RAP1GDS1: variants seen among roughly 807,000 people sequenced by gnomAD.
RAP1GDS1 encodes RAP1, GTP-GDP dissociation stimulator 1.
A neutral mutation model predicts 71.1 loss-of-function variants in RAP1GDS1; 35 were observed. That is an observed-to-expected ratio of 0.49 (90% CI 0.38 to 0.65). The LOEUF is 0.65. Ranked by LOEUF, RAP1GDS1 falls within the 30% of genes least tolerant of loss-of-function variation. The pLI is 0.00. For synonymous variants in RAP1GDS1, 229 were observed against 243.1 expected, an observed-to-expected ratio of 0.94 and a Z score of 0.54; for missense variants, 663 against 706.1, an observed-to-expected ratio of 0.94 and a Z score of 0.69.
intron 4 of RAP1GDS1, among the ~76,000 whole-genome samples, chr4:98,372,931 C>T (rs1740608365): frequency 6.6e-6 from 1 of 152,206 alleles, no homozygotes; most frequent in African/African-American, 2.4e-5. Context: ...CACAAGAGAC[C>T]TTCCTGCCTT....
At position 98,392,693 on chromosome 4, in the gene RAP1GDS1, C is replaced by CCTGT. The variant is rs1412262145; in HGVS notation, c.637+616_637+619dup. ...TCCAGCCTGGGTGGCAGAGCCAGAC[C>CCTGT]CTGTCTCAAGAAAAAAAAAGAAATT... On this transcript the variant is annotated intron_variant, in intron 6 of 14. Coordinates refer to ENST00000408927, the MANE Select transcript of RAP1GDS1 (RefSeq NM_001100427.2). Among the ~76,000 whole-genome samples, 24 of 151,996 alleles carry CCTGT rather than the reference C, an allele frequency of 1.6e-4. 1 individual carries two copies. The South Asian group carries it at 3.7e-3, about 24-fold the overall frequency.
At chr4:98,399,440 T>A (rs1745037503) in intron 6 of RAP1GDS1, among the ~76,000 whole-genome samples, 2 of 152,108 alleles carry the variant, frequency 1.3e-5, no homozygotes. Flanking sequence ...ACTACAGGCG[T>A]GCACCATCAT....
chr4:98,436,907 G>T, intron 13 of RAP1GDS1, 33 bp from the exon 14 acceptor site: 2 of 1,553,820 alleles, frequency 1.3e-6, no homozygotes, highest in Non-Finnish European at 1.7e-6. Context: ...TACTGGGTTC[G>T]TACGCAGTAG....
chr4:98,261,621 C>T (rs1424546620), intron 1 of RAP1GDS1, 52 bp downstream of exon 1: 4 of 1,573,376 alleles, frequency 2.5e-6, no homozygotes, highest in East Asian at 2.3e-5. Flanking sequence ...TCTTTCTCGG[C>T]GTGCTGCAGG....
intron 3 of RAP1GDS1, among the ~76,000 whole-genome samples, chr4:98,351,888 T>C (rs1291423767): frequency 1.3e-5 from 2 of 151,936 alleles, no homozygotes; most frequent in Non-Finnish European, 2.9e-5. Context: ...TAAAATGGAT[T>C]TTAATAAAGG....
intron 7 of RAP1GDS1, among the ~76,000 whole-genome samples, chr4:98,405,604 A>G (rs1428292036): frequency 6.6e-6 from 1 of 152,100 alleles, no homozygotes; most frequent in Non-Finnish European, 1.5e-5. Flanking sequence ...TGAAAAATGC[A>G]AAGATCCAAG....
At chr4:98,268,348 C>T (rs1722981985) in intron 1 of RAP1GDS1, among the ~76,000 whole-genome samples, 1 of 151,690 alleles carries the variant, frequency 6.6e-6, no homozygotes, top group South Asian at 2.1e-4. Flanking sequence ...TATGACAAGC[C>T]CATAGCTAAC....
rs1561019716 is a variant in RAP1GDS1 at position 98,436,998 on chromosome 4, A to G, written c.1626A>G (p.Leu542=). 6.2e-7 allele frequency: 1 copy of G among 1,612,892 alleles called. No homozygotes were observed. Residue 542 remains leucine (L), a synonymous_variant, in exon 14 of 15, where the codon CTA becomes CTG. Transcript: ENST00000408927. ...AKLVQILHRL[L]ADERSAPEIK... Reference sequence around the variant, plus strand: ...TTGTACAGATTTTACATAGACTGCTAGCAGATGAGAGAAGTGCTCCTGAAA... The same window carrying G: ...TTGTACAGATTTTACATAGACTGCTGGCAGATGAGAGAAGTGCTCCTGAAA...
intron 2 of RAP1GDS1, among the ~76,000 whole-genome samples, chr4:98,305,775 G>A (rs980826260): frequency 5.3e-5 from 8 of 152,194 alleles, no homozygotes; most frequent in African/African-American, 1.9e-4. Context: ...GGTGATTGAA[G>A]CCTTGGCAGA....
At chr4:98,424,654 G>A (rs533193319) in intron 12 of RAP1GDS1, among the ~76,000 whole-genome samples, 14 of 152,098 alleles carry the variant, frequency 9.2e-5, no homozygotes, top group Middle Eastern at 6.8e-3. Context: ...CCAGCTACTG[G>A]GGAGGCTGAG....
intron 1 of RAP1GDS1, among the ~76,000 whole-genome samples, chr4:98,268,712 A>G (rs1723028642): frequency 6.6e-6 from 1 of 152,172 alleles, no homozygotes; most frequent in Non-Finnish European, 1.5e-5. Flanking sequence ...AAACAATCCT[A>G]TTTACAGTAG....
At chr4:98,377,628 T>TTG (rs58691883) in intron 4 of RAP1GDS1, among the ~76,000 whole-genome samples, 34,558 of 149,288 alleles carry the variant, frequency 0.23, 4,058 homozygotes, top group African/African-American at 0.3. Context: ...TACTATATAA[T>TTG]TGTGTGTGTG....
At chr4:98,272,629 A>G (rs1171655677) in intron 1 of RAP1GDS1, among the ~76,000 whole-genome samples, 1 of 152,122 alleles carries the variant, frequency 6.6e-6, no homozygotes, top group East Asian at 1.9e-4. Context: ...TACTTCTCAG[A>G]TTTAATGGTT....
intron 1 of RAP1GDS1, among the ~76,000 whole-genome samples, chr4:98,280,178 C>T (rs553482495): frequency 3.5e-4 from 53 of 152,308 alleles, no homozygotes; most frequent in Middle Eastern, 6.8e-3. Context: ...CTTGAGGAAT[C>T]GCCACACTGT....
chr4:98,407,053 A>G (rs1014487837), intron 7 of RAP1GDS1, among the ~76,000 whole-genome samples: 1 of 152,132 alleles, frequency 6.6e-6, no homozygotes, highest in African/African-American at 2.4e-5. Context: ...CAATGAGCCC[A>G]GTATTCATCT....
chr4:98,358,470 G>A (rs1002588505), intron 4 of RAP1GDS1, among the ~76,000 whole-genome samples: 1 of 151,920 alleles, frequency 6.6e-6, no homozygotes, highest in Non-Finnish European at 1.5e-5. Context: ...AAAAAGTTTT[G>A]ACTTGAATAT....
In RAP1GDS1 at chr4:98,363,478, CAAAAAA is replaced by C. The variant is rs34393905; in HGVS notation, c.361+10899_361+10904del. On this transcript the variant is annotated intron_variant, in intron 4 of 14. Coordinates refer to ENST00000408927, the MANE Select transcript of RAP1GDS1 (RefSeq NM_001100427.2). ...CCTAAATAACAGTGAGACCCTGTCTCAAAAAAAAAAAAAAAAAAAAAAAAAAAGTGT... is the reference window on the plus strand; with the variant it reads ...CCTAAATAACAGTGAGACCCTGTCTCAAAAAAAAAAAAAAAAAAAAAGTGT... 3.7e-4 allele frequency among the ~76,000 whole-genome samples: 14 copies of C among 37,730 alleles called. No homozygotes were observed. In the South Asian group the frequency reaches 4.9e-3, roughly 13 times the overall value. 24.8% of individuals were successfully genotyped at this position (37,730 alleles called of 152,430 possible). A position where few individuals can be genotyped will look rare whatever the true frequency, so the allele number is the denominator to read the frequency against.
chr4:98,316,004 G>A (rs1469623628), intron 2 of RAP1GDS1, among the ~76,000 whole-genome samples: 1 of 152,178 alleles, frequency 6.6e-6, no homozygotes, highest in Non-Finnish European at 1.5e-5. Context: ...ATGTTGAAGG[G>A]TCCAGTTAAG....
At chr4:98,376,847 G>C (rs1030982315) in intron 4 of RAP1GDS1, among the ~76,000 whole-genome samples, 1 of 151,916 alleles carries the variant, frequency 6.6e-6, no homozygotes, top group Non-Finnish European at 1.5e-5. Flanking sequence ...TCAGAGGAGG[G>C]GGGTGGAAGG....
Sources: gnomAD v4.1 joint callset for allele counts (sites outside exome capture counted in the v4.1 genomes callset) on GRCh38, gnomAD v4.1.1 for gene constraint, MANE v1.5 for transcripts, NCBI Gene and HGNC (gene_info 2026-07-23, HGNC 2026-07-21) for gene names.